Variants in SCN11A observed in about 807,000 individuals in gnomAD.
The protein encoded by SCN11A is sodium channel protein type 11 subunit alpha.
SCN11A carries 122 observed loss-of-function variants against 162.2 expected under a neutral mutation model. The ratio of observed to expected loss-of-function variants is 0.75; its 90% CI spans 0.65 to 0.87. SCN11A has a LOEUF of 0.87. Ranked by LOEUF, SCN11A falls within the 40% of genes least tolerant of loss-of-function variation. The probability of loss-of-function intolerance (pLI) is 0.00; values close to 1 mark genes in which losing one functional copy is unlikely to be tolerated. For synonymous variants in SCN11A, 758 were observed against 751.5 expected, an observed-to-expected ratio of 1.01 and a Z score of -0.14; for missense variants, 2,015 against 2,181.6, an observed-to-expected ratio of 0.92 and a Z score of 1.52.
At position 38,945,352 on chromosome 3, in the gene SCN11A, C is replaced by T. The variant is rs193116417; in HGVS notation, c.488+59G>A. The T allele has an allele frequency of 2.9e-3, 3,067 of 1,051,384 alleles. 8 individuals are homozygous for T. The highest frequency in any genetic ancestry group is 3.7e-3 in the Non-Finnish European group (2,566 of 692,980). The allele number at this position is 1,051,384 out of a possible 1,614,324, so 65.1% of individuals were successfully genotyped here. A position where few individuals can be genotyped will look rare whatever the true frequency, so the allele number is the denominator to read the frequency against. ...TCTTTCTCTCCAGTGTAATCATTAA[C>T]TGTCTTAGGTATATTTGTTTAAAAA... On this transcript the variant is annotated intron_variant, in intron 7 of 29. Coordinates refer to ENST00000302328, the MANE Select transcript of SCN11A (RefSeq NM_001349253.2).
At chr3:38,924,775 C>T (rs1343053600) in intron 9 of SCN11A, among the ~76,000 whole-genome samples, 3 of 152,058 alleles carry the variant, frequency 2.0e-5, no homozygotes, top group Admixed American at 1.3e-4. Flanking sequence ...TCCCAAAGTG[C>T]TAGAATTACT....
chr3:38,856,516 C>A (rs2064871933), intron 28 of SCN11A, among the ~76,000 whole-genome samples: 1 of 152,144 alleles, frequency 6.6e-6, no homozygotes, highest in Non-Finnish European at 1.5e-5. Flanking sequence ...GCTGAGGTAG[C>A]TTCTACTCTT....
At chr3:38,925,199 T>C (rs992169589) in intron 9 of SCN11A, among the ~76,000 whole-genome samples, 1 of 148,386 alleles carries the variant, frequency 6.7e-6, no homozygotes, top group Non-Finnish European at 1.5e-5. Context: ...TAAAACTCCA[T>C]GAGTCCGTAT....
At chr3:38,892,952 G>GA (rs2065524085) in intron 19 of SCN11A, among the ~76,000 whole-genome samples, 1 of 151,866 alleles carries the variant, frequency 6.6e-6, no homozygotes, top group Admixed American at 6.6e-5. Flanking sequence ...AATAATAAAG[G>GA]AAAAAACATG....
chr3:38,913,379 C>T (rs900284529), intron 11 of SCN11A, among the ~76,000 whole-genome samples: 11 of 152,094 alleles, frequency 7.2e-5, no homozygotes, highest in African/African-American at 2.4e-5. Context: ...AATATCAGAC[C>T]TTTAACAGAT....
intron 1 of SCN11A, among the ~76,000 whole-genome samples, chr3:39,034,110 C>T (rs2031836448): frequency 6.6e-6 from 1 of 151,966 alleles, no homozygotes; most frequent in Non-Finnish European, 1.5e-5. Context: ...TGCAGTGAGC[C>T]GAGATCGCAC....
At chr3:38,994,786 A>C (rs923842403) in intron 2 of SCN11A, among the ~76,000 whole-genome samples, 1 of 152,162 alleles carries the variant, frequency 6.6e-6, no homozygotes, top group African/African-American at 2.4e-5. Context: ...ATCCACCTGG[A>C]GACAGATGGA....
intron 28 of SCN11A, among the ~76,000 whole-genome samples, chr3:38,858,555 A>G (rs2064910133): frequency 6.6e-6 from 1 of 152,154 alleles, no homozygotes; most frequent in African/African-American, 2.4e-5. Flanking sequence ...AGGCAACACA[A>G]TAATACTGGG....
At chr3:38,966,592 T>C (rs1393179724) in intron 2 of SCN11A, among the ~76,000 whole-genome samples, 1 of 152,244 alleles carries the variant, frequency 6.6e-6, no homozygotes, top group Non-Finnish European at 1.5e-5. Context: ...TATTTATTAT[T>C]TGTATGTGTT....
intron 28 of SCN11A, among the ~76,000 whole-genome samples, chr3:38,860,890 G>A (rs1180854929): frequency 6.6e-6 from 1 of 152,156 alleles, no homozygotes; most frequent in Non-Finnish European, 1.5e-5. Flanking sequence ...GTCCTAGCCA[G>A]AGCAATCAGA....
At chr3:38,908,256 T>C in intron 13 of SCN11A, 134 bp from the exon 14 acceptor site, 3 of 730,312 alleles carry the variant, frequency 4.1e-6, no homozygotes, top group Non-Finnish European at 4.6e-6. Flanking sequence ...ATCATCTACC[T>C]GGACTACGCT....
intron 2 of SCN11A, among the ~76,000 whole-genome samples, chr3:38,977,132 A>C (rs1355296921): frequency 6.6e-6 from 1 of 152,206 alleles, no homozygotes; most frequent in African/African-American, 2.4e-5. Flanking sequence ...GCTAAAGAGA[A>C]AACAAAAAGA....
chr3:38,972,872 G>A (rs1029453616), intron 2 of SCN11A, among the ~76,000 whole-genome samples: 2 of 152,188 alleles, frequency 1.3e-5, no homozygotes, highest in Admixed American at 1.3e-4. Context: ...TGTGGCCAAA[G>A]GGAGAAGAGG....
intron 19 of SCN11A, among the ~76,000 whole-genome samples, chr3:38,888,634 G>A (rs776733765): frequency 2.6e-5 from 4 of 152,178 alleles, no homozygotes; most frequent in Admixed American, 6.5e-5. Context: ...CTCTGCGGAC[G>A]TTCTCCCTAG....
chr3:38,954,067 C>G (rs2066652529), intron 3 of SCN11A, among the ~76,000 whole-genome samples: 1 of 152,124 alleles, frequency 6.6e-6, no homozygotes, highest in African/African-American at 2.4e-5. Context: ...ATGATTAGGG[C>G]AAGCAATGAT....
intron 2 of SCN11A, among the ~76,000 whole-genome samples, chr3:38,980,130 A>C (rs2029974345): frequency 6.6e-6 from 1 of 152,200 alleles, no homozygotes; most frequent in Non-Finnish European, 1.5e-5. Flanking sequence ...TCAGAGGTGC[A>C]GACAACCCTT....
chr3:39,021,497 A>G (rs1439346610), intron 2 of SCN11A, among the ~76,000 whole-genome samples: 1 of 152,178 alleles, frequency 6.6e-6, no homozygotes, highest in East Asian at 1.9e-4. Flanking sequence ...AACTGGGATG[A>G]AAAGGTGGCC....
intron 2 of SCN11A, among the ~76,000 whole-genome samples, chr3:39,008,291 G>C (rs1293212212): frequency 1.3e-5 from 2 of 151,224 alleles, no homozygotes; most frequent in African/African-American, 4.9e-5. Flanking sequence ...TCAAGTATGA[G>C]AGGAGAATAA....
intron 2 of SCN11A, among the ~76,000 whole-genome samples, chr3:38,995,797 T>TTGTCTATCTATCTATCTGTCTGTCTGTC (rs1553648565): frequency 9.2e-4 from 100 of 108,550 alleles, no homozygotes; most frequent in Middle Eastern, 4.4e-3. Flanking sequence ...TCACAATAAA[T>TTGTCTATCTATCTATCTGTCTGTCTGTC]TGTCTATCTA....
Sources: gnomAD v4.1 joint callset for allele counts (sites outside exome capture counted in the v4.1 genomes callset) on GRCh38, gnomAD v4.1.1 for gene constraint, MANE v1.5 for transcripts, NCBI Gene and HGNC (gene_info 2026-07-23, HGNC 2026-07-21) for gene names.